WDR17: variants seen among roughly 807,000 people sequenced by gnomAD.
WDR17 encodes WD repeat-containing protein 17.
Under a neutral mutation model 161.7 loss-of-function variants are expected in WDR17, and 143 were observed. That is an observed-to-expected ratio of 0.88 (90% CI 0.77 to 1.02). The LOEUF (loss-of-function observed/expected upper bound fraction) is 1.02. Ranked by LOEUF, WDR17 falls within the 50% of genes least tolerant of loss-of-function variation. WDR17 has a pLI of 0.00. For synonymous variants in WDR17, 517 were observed against 515.6 expected (o/e 1.00, Z -0.04); for missense variants, 1,469 against 1,520.9 (o/e 0.97, Z 0.57).
chr4:176,138,193 A>G (rs1744708971), intron 9 of WDR17, among the ~76,000 whole-genome samples: 1 of 151,730 alleles, frequency 6.6e-6, no homozygotes. Context: ...AGTACAAAAT[A>G]TTAGGTATGA....
chr4:176,101,254 G>T (rs998528335), intron 1 of WDR17, among the ~76,000 whole-genome samples: 1 of 151,984 alleles, frequency 6.6e-6, no homozygotes, highest in African/African-American at 2.4e-5. Flanking sequence ...CAGGGCTGGG[G>T]GTACTGAGAA....
In WDR17 at chr4:176,181,586, T is replaced by G. The variant is rs909101146; in HGVS notation, c.*2007T>G. 1 of 175,548 alleles carries G rather than the reference T, an allele frequency of 5.7e-6. No individual in the cohort carries two copies. The highest frequency in any genetic ancestry group is 2.4e-5 in the African/African-American group (1 of 41,696). The allele number at this position is 175,548 out of a possible 1,614,324, so 10.9% of individuals were successfully genotyped here. A position where few individuals can be genotyped will look rare whatever the true frequency, so the allele number is the denominator to read the frequency against. ...GTATTTTTTTAAACTCTTAGAGATATCTGTAACTCAAATTTTTCTTAGGTG... is the reference window on the plus strand; with the variant it reads ...GTATTTTTTTAAACTCTTAGAGATAGCTGTAACTCAAATTTTTCTTAGGTG... On this transcript the variant is annotated 3_prime_UTR_variant, in exon 29 of 29. Coordinates refer to ENST00000508596, the MANE Select transcript of WDR17 (RefSeq NM_181265.4).
chr4:176,152,233 T>C (rs1324807797), intron 17 of WDR17, among the ~76,000 whole-genome samples: 1 of 144,504 alleles, frequency 6.9e-6, no homozygotes, highest in Admixed American at 7.1e-5. Flanking sequence ...AGGCAGAGGT[T>C]GCAGTGAGCT....
rs1668615252 is a variant in WDR17 at position 176,111,561 on chromosome 4, AT to A, written c.-6-11del. ...ATGGAAATCACTGACATTTCTTCAA[AT>A]TTGTTTTTCAAGGCAAACATGTCCC... is the stretch of plus-strand genomic sequence containing the variant. On this transcript the variant is annotated splice_polypyrimidine_tract_variant and intron_variant, in intron 1 of 28. Transcript: ENST00000508596. The A allele has an allele frequency of 3.8e-6, 6 of 1,594,004 alleles. No individual in the cohort carries two copies. Among genetic ancestry groups the A allele is most frequent in the Non-Finnish European group, 4.3e-6 (5 of 1,170,650 alleles).
Position 176,075,276 on chromosome 4 carries a change from A to T in WDR17, c.-7+9197A>T, listed in dbSNP as rs917285991. On this transcript the variant is annotated intron_variant, in intron 1 of 28. Coordinates refer to ENST00000508596, the MANE Select transcript of WDR17 (RefSeq NM_181265.4). ...TTATAAGGTGACTGAGTCAATTTCT[A>T]ATATTGTGAGTCGATTTTTCCCTAA... 2.0e-5 allele frequency among the ~76,000 whole-genome samples: 3 copies of T among 152,004 alleles called. No individual in the cohort carries two copies. In the South Asian group the frequency reaches 6.2e-4, roughly 32 times the overall value.
rs781684936 is a variant in WDR17 at position 176,131,571 on chromosome 4, A to C, written c.931A>C (p.Thr311Pro). Residue 311 changes from threonine (T) to proline (P), a missense_variant, in exon 7 of 29, where the codon ACC (threonine) becomes CCC (proline). Coordinates refer to ENST00000508596, the MANE Select transcript of WDR17 (RefSeq NM_181265.4). ...PRKKFSVQSPTKNHYTSSTSE... is the reference protein window; with the variant it reads ...PRKKFSVQSPPKNHYTSSTSE... Reference sequence around the variant, plus strand: ...ATTTTTAGTTTCAGTCCAATCTCCAACCAAAAATCATTATACATCCTCAAC... The same window carrying C: ...ATTTTTAGTTTCAGTCCAATCTCCACCCAAAAATCATTATACATCCTCAAC... 1.1e-5 allele frequency: 18 copies of C among 1,607,374 alleles called. No homozygotes were observed. The South Asian group carries it at 2.0e-4, about 18-fold the overall frequency.
chr4:176,132,934 C>T (rs2126762672), intron 7 of WDR17, among the ~76,000 whole-genome samples: 1 of 151,616 alleles, frequency 6.6e-6, no homozygotes, highest in East Asian at 1.9e-4. Flanking sequence ...TAGAATTTTG[C>T]TGATATGTCC....
At chr4:176,175,227 C>T (rs2126892397) in intron 26 of WDR17, among the ~76,000 whole-genome samples, 1 of 152,298 alleles carries the variant, frequency 6.6e-6, no homozygotes, top group South Asian at 2.1e-4. Flanking sequence ...CCACATCTCA[C>T]TAAAAGAAAA....
chr4:176,107,595 A>G (rs1362669007), intron 1 of WDR17, among the ~76,000 whole-genome samples: 1 of 151,836 alleles, frequency 6.6e-6, no homozygotes, highest in African/African-American at 2.4e-5. Flanking sequence ...AATATTATTC[A>G]GCTTTAAATC....
At chr4:176,147,098 C>A (rs1214354511) in intron 12 of WDR17, among the ~76,000 whole-genome samples, 1 of 152,090 alleles carries the variant, frequency 6.6e-6, no homozygotes, top group Non-Finnish European at 1.5e-5. Flanking sequence ...ATCTCTTGAC[C>A]TCATGATCCG....
chr4:176,116,865 T>C (rs1373555943), intron 3 of WDR17, among the ~76,000 whole-genome samples: 2 of 151,884 alleles, frequency 1.3e-5, no homozygotes, highest in Non-Finnish European at 3.0e-5. Flanking sequence ...AGTATTTTGG[T>C]TTGTCTTTTC....
chr4:176,083,833 A>G (rs1735069640), intron 1 of WDR17, among the ~76,000 whole-genome samples: 2 of 152,090 alleles, frequency 1.3e-5, no homozygotes, highest in Admixed American at 6.6e-5. Context: ...ACTGTCGCCA[A>G]TCTGTGGTAT....
Position 176,066,032 on chromosome 4 carries a change from G to A in WDR17, c.-54G>A, listed in dbSNP as rs898875170. The A allele has an allele frequency of 6.6e-6, 1 of 152,292 alleles. No homozygotes were observed. Among genetic ancestry groups the A allele is most frequent in the East Asian group, 1.9e-4 (1 of 5,164 alleles). The allele number at this position is 152,292 out of a possible 1,614,324, so 9.4% of individuals were successfully genotyped here. ...GCTCGCCTCGCAGCTGCGCCCGCCGGCTTCAGCACCTTCCGCTGTCCGCCG... is the reference window on the plus strand; with the variant it reads ...GCTCGCCTCGCAGCTGCGCCCGCCGACTTCAGCACCTTCCGCTGTCCGCCG... On this transcript the variant is annotated 5_prime_UTR_variant, in exon 1 of 29. Coordinates refer to ENST00000508596, the MANE Select transcript of WDR17 (RefSeq NM_181265.4).
chr4:176,068,890 G>C (rs1208848177), intron 1 of WDR17, among the ~76,000 whole-genome samples: 1 of 152,082 alleles, frequency 6.6e-6, no homozygotes, highest in African/African-American at 2.4e-5. Flanking sequence ...AAAACCTAGA[G>C]AAAAACATTT....
At position 176,119,885 on chromosome 4, in the gene WDR17, G is replaced by C; in HGVS notation, c.326G>C (p.Ser109Thr). 6.2e-7 allele frequency: 1 copy of C among 1,614,042 alleles called. No homozygotes were observed. The highest frequency in any genetic ancestry group is 8.5e-7 in the Non-Finnish European group (1 of 1,179,974). Residue 109 changes from serine to threonine, a missense_variant, in exon 4 of 29, where the codon AGT becomes ACT. Physicochemically the swap from Ser to Thr is moderately conservative, Grantham distance 58 (BLOSUM62 1). Transcript: ENST00000508596. The stretch of plus-strand genomic sequence containing the variant: ...ATTCCAGGGATCCCTGCTTCTCTTA[G>C]TTGGTGCTGGAATGCAGAGGATGTG... ...DSTKGIPASLSWCWNAEDVVA... is the reference protein window; with the variant it reads ...DSTKGIPASLTWCWNAEDVVA...
At chr4:176,168,576 T>G (rs1430957640) in intron 22 of WDR17, 96 bp from the exon 23 acceptor site, 14 of 1,400,106 alleles carry the variant, frequency 1.0e-5, no homozygotes, top group South Asian at 4.0e-5. Context: ...AAAGCAAGAG[T>G]GGTATATTAT....
In WDR17 at chr4:176,141,950, G is replaced by A. The variant is rs776161511; in HGVS notation, c.1443-33G>A. 18 of 1,460,838 alleles carry A rather than the reference G, an allele frequency of 1.2e-5. 1 individual carries two copies. The highest frequency in any genetic ancestry group is 4.3e-5 in the African/African-American group (3 of 70,298). The allele number at this position is 1,460,838 out of a possible 1,614,324, so 90.5% of individuals were successfully genotyped here. A position where few individuals can be genotyped will look rare whatever the true frequency, so the allele number is the denominator to read the frequency against. On this transcript the variant is annotated intron_variant, in intron 10 of 28. Transcript: ENST00000508596. ...CCTTGAATAATGTATTTAGAGTATT[G>A]TTTTTCTATTAACATATTATAATTA...
chr4:176,096,737 G>C, intron 1 of WDR17: 1 of 537,662 alleles, frequency 1.9e-6, no homozygotes, highest in African/African-American at 2.0e-5. Context: ...TAGTTTTAAA[G>C]CAAAAGTAAG....
intron 1 of WDR17, chr4:176,111,231 T>C (rs1458725511): frequency 6.3e-6 from 1 of 159,008 alleles, no homozygotes; most frequent in Non-Finnish European, 1.4e-5. Flanking sequence ...TCTTGCAACA[T>C]GGGATGGCCT....
Sources: allele counts gnomAD v4.1 joint callset (sites outside exome capture counted in the v4.1 genomes callset), GRCh38; gene constraint gnomAD v4.1.1; transcripts MANE v1.5; gene names NCBI Gene and HGNC (gene_info 2026-07-23, HGNC 2026-07-21).